TMTC1: variants seen among roughly 807,000 people sequenced by gnomAD.
TMTC1 encodes the protein transmembrane O-mannosyltransferase targeting cadherins 1.
TMTC1 carries 73 observed loss-of-function variants against 104.8 expected under a neutral mutation model. The ratio of observed to expected loss-of-function variants is 0.70; its 90% CI spans 0.58 to 0.85. The LOEUF (loss-of-function observed/expected upper bound fraction) is 0.85, where lower values mean the gene tolerates loss of function less well. TMTC1 is among the 40% of genes least tolerant of loss of function. The pLI is 0.00. For synonymous variants in TMTC1, 434 were observed against 428.7 expected (o/e 1.01, Z -0.15); for missense variants, 1,035 against 1,096.1 (o/e 0.94, Z 0.79).
Position 29,783,483 on chromosome 12 carries a change from T to G in TMTC1, c.269A>C (p.Lys90Thr). 7.3e-7 allele frequency: 1 copy of G among 1,363,750 alleles called. No individual in the cohort carries two copies. The highest frequency in any genetic ancestry group is 1.5e-5 in the African/African-American group (1 of 67,152). The allele number at this position is 1,363,750 out of a possible 1,614,324, so 84.5% of individuals were successfully genotyped here. Residue 90 changes from lysine (K) to threonine (T), a missense_variant, in exon 1 of 18, where the codon AAG becomes ACG. Transcript: ENST00000539277. This position sits in a 1 kb window ranked among gnomAD's most constrained non-coding sequence, Gnocchi z 4.7. ...GAGGACGCAGAGCGGCCGGTAGGAC[T>G]TGTGGCTGGTGTTCTCGGCCATGCC... ...GKGMAENTSH[K>T]SYRPLCVLTF...
chr12:29,605,524 T>C (rs1039153249), intron 6 of TMTC1, among the ~76,000 whole-genome samples: 6 of 139,606 alleles, frequency 4.3e-5, no homozygotes, highest in African/African-American at 1.4e-4. Context: ...AAATAGATTA[T>C]GTAACAAGCC....
At chr12:29,633,833 G>A (rs1276832253) in intron 5 of TMTC1, among the ~76,000 whole-genome samples, 1 of 152,186 alleles carries the variant, frequency 6.6e-6, no homozygotes, top group Non-Finnish European at 1.5e-5. Context: ...TGCTGACAAG[G>A]ACAGCCAGGT....
At chr12:29,637,121 CACAA>C (rs1482726607) in intron 5 of TMTC1, among the ~76,000 whole-genome samples, 7 of 138,286 alleles carry the variant, frequency 5.1e-5, no homozygotes, top group African/African-American at 8.5e-5. Flanking sequence ...CACACACACA[CACAA>C]AAGAACAACA....
chr12:29,590,476 C>T lies in TMTC1; in HGVS notation c.1251-6902G>A, dbSNP rs541681757. On this transcript the variant is annotated intron_variant, in intron 7 of 17. Transcript: ENST00000539277. ...AACTTTGTATCAGCCCACTCCCTGT[C>T]CCCCCTTTGCCTTTAAAAATCCACG... 2.2e-4 allele frequency among the ~76,000 whole-genome samples: 33 copies of T among 152,278 alleles called. 1 individual carries two copies. In the East Asian group the frequency reaches 6.2e-3, roughly 29 times the overall value.
chr12:29,724,570 A>G, intron 5 of TMTC1, among the ~76,000 whole-genome samples: 1 of 152,258 alleles, frequency 6.6e-6, no homozygotes, highest in East Asian at 1.9e-4. Context: ...ATAGAGTATT[A>G]CACAGCTGGG....
chr12:29,517,113 T>G (rs1944009739), intron 14 of TMTC1, among the ~76,000 whole-genome samples: 2 of 152,228 alleles, frequency 1.3e-5, no homozygotes, highest in Non-Finnish European at 2.9e-5. Flanking sequence ...TACATATACA[T>G]CTACATATGC....
chr12:29,723,522 A>G (rs1054083720), intron 5 of TMTC1, among the ~76,000 whole-genome samples: 1 of 151,970 alleles, frequency 6.6e-6, no homozygotes. Flanking sequence ...GGAGTTAGAG[A>G]CCAGCCTGGG....
At chr12:29,643,617 A>AT (rs1939008209) in intron 5 of TMTC1, among the ~76,000 whole-genome samples, 2 of 30,836 alleles carry the variant, frequency 6.5e-5, no homozygotes, top group African/African-American at 3.3e-4. Context: ...TATATAATAT[A>AT]TATCTATATA....
At chr12:29,589,091 T>A (rs2136348716) in intron 7 of TMTC1, among the ~76,000 whole-genome samples, 1 of 152,334 alleles carries the variant, frequency 6.6e-6, no homozygotes, top group South Asian at 2.1e-4. Context: ...AGGTTCACCT[T>A]ATCTTATGTA....
At chr12:29,574,323 T>G (rs909009955) in intron 8 of TMTC1, among the ~76,000 whole-genome samples, 4 of 152,186 alleles carry the variant, frequency 2.6e-5, no homozygotes, top group Non-Finnish European at 5.9e-5. Flanking sequence ...TAAGTTTTGT[T>G]GGAAATTAAC....
intron 7 of TMTC1, among the ~76,000 whole-genome samples, chr12:29,585,529 G>C (rs1946109890): frequency 6.6e-6 from 1 of 152,182 alleles, no homozygotes; most frequent in African/African-American, 2.4e-5. Flanking sequence ...CCTATGTCCT[G>C]AATGGTATTG....
chr12:29,703,886 T>C (rs1351871285), intron 5 of TMTC1, among the ~76,000 whole-genome samples: 1 of 152,198 alleles, frequency 6.6e-6, no homozygotes, highest in East Asian at 1.9e-4. Context: ...CTTTACTTAG[T>C]GATATGGTTT....
At chr12:29,671,470 T>G (rs1413174324) in intron 5 of TMTC1, among the ~76,000 whole-genome samples, 2 of 152,166 alleles carry the variant, frequency 1.3e-5, no homozygotes, top group African/African-American at 2.4e-5. Context: ...AAAGCATACA[T>G]GCATACATTT....
intron 10 of TMTC1, among the ~76,000 whole-genome samples, chr12:29,545,117 A>G (rs1365939925): frequency 1.4e-5 from 2 of 147,052 alleles, no homozygotes. Flanking sequence ...TTCCCAGCTC[A>G]AATTTCTACC....
At chr12:29,533,303 A>T (rs1944556778) in intron 11 of TMTC1, 2 of 152,230 alleles carry the variant, frequency 1.3e-5, no homozygotes, top group Admixed American at 1.3e-4. Context: ...AGTAAGGAAC[A>T]CAATATTAGT....
chr12:29,735,408 CAT>C (rs1358210322), intron 5 of TMTC1, among the ~76,000 whole-genome samples: 1 of 152,116 alleles, frequency 6.6e-6, no homozygotes, highest in Non-Finnish European at 1.5e-5. Context: ...GCACCAAGCA[CAT>C]AGAGTCGTTA....
chr12:29,552,273 T>A (rs1945125572), intron 10 of TMTC1, among the ~76,000 whole-genome samples: 1 of 149,382 alleles, frequency 6.7e-6, no homozygotes, highest in African/African-American at 2.5e-5. Context: ...ATATTTCATT[T>A]AAAAAAAAAA....
chr12:29,667,239 C>G (rs997697726), intron 5 of TMTC1, among the ~76,000 whole-genome samples: 3 of 152,120 alleles, frequency 2.0e-5, no homozygotes, highest in Admixed American at 6.5e-5. Flanking sequence ...ATGGAGGAGT[C>G]GAACAACCTT....
intron 5 of TMTC1, among the ~76,000 whole-genome samples, chr12:29,674,561 A>G (rs12368564): frequency 0.21 from 32,472 of 152,200 alleles, 3,872 homozygotes; most frequent in East Asian, 0.29. Flanking sequence ...AGACAAAGCT[A>G]TAATTCAGCA....
Sources: allele counts gnomAD v4.1 joint callset (sites outside exome capture counted in the v4.1 genomes callset), GRCh38; gene constraint gnomAD v4.1.1; non-coding constraint Gnocchi (gnomAD v3.1); transcripts MANE v1.5; gene names NCBI Gene and HGNC (gene_info 2026-07-23, HGNC 2026-07-21).